The following ABLIM2 variants were observed in gnomAD, a reference collection of about 807,000 sequenced individuals.
ABLIM2 encodes actin-binding LIM protein 2.
ABLIM2 carries 53 observed loss-of-function variants against 97.7 expected under a neutral mutation model. The ratio of observed to expected loss-of-function variants is 0.54; its 90% CI spans 0.44 to 0.68. The LOEUF (loss-of-function observed/expected upper bound fraction) is 0.68, where lower values mean the gene tolerates loss of function less well. ABLIM2 is among the 30% of genes least tolerant of loss of function. The pLI is 0.00. For missense variants in ABLIM2, 835 were observed against 867.2 expected (o/e 0.96, Z 0.47); for synonymous variants, 361 against 345.8 (o/e 1.04, Z -0.49).
At position 8,036,131 on chromosome 4, in the gene ABLIM2, T is replaced by C. The variant is rs1304863919; in HGVS notation, c.1047+18A>G. 5.6e-6 allele frequency: 9 copies of C among 1,612,694 alleles called. No individual in the cohort carries two copies. The East Asian group carries it at 8.9e-5, about 16-fold the overall frequency. ...TTGGGGACACAGGTGTCCAGGGCCA[T>C]GTGGGCAGGGTCCATACCTCGCCGT... is the stretch of plus-strand genomic sequence containing the variant. On this transcript the variant is annotated intron_variant, in intron 10 of 20. Transcript: ENST00000447017.
rs1394969221 is a variant in ABLIM2, at chr4:8,087,700, GCATTAGATGGGAAAGCAGCAGTGGA to G, written c.454+444_454+468del. Reference sequence around the variant, plus strand: ...ACATTAGATGGGAAAGCAGCAGTGGGCATTAGATGGGAAAGCAGCAGTGGACATTAGATGGGAAAGCAGCAGTGGG... The same window carrying G: ...ACATTAGATGGGAAAGCAGCAGTGGGCATTAGATGGGAAAGCAGCAGTGGG... On this transcript the variant is annotated intron_variant, in intron 4 of 20. Coordinates refer to ENST00000447017, the MANE Select transcript of ABLIM2 (RefSeq NM_001130083.2). The surrounding 1 kb of genome is among the most constrained non-coding windows in gnomAD (Gnocchi z 4.6). 3.3e-5 allele frequency among the ~76,000 whole-genome samples: 5 copies of G among 151,782 alleles called. No homozygotes were observed. The highest frequency in any genetic ancestry group is 6.6e-5 in the Admixed American group (1 of 15,238).
chr4:8,070,250 C>A (rs1211519312), intron 6 of ABLIM2, among the ~76,000 whole-genome samples: 1 of 145,776 alleles, frequency 6.9e-6, no homozygotes, highest in Non-Finnish European at 1.5e-5. Context: ...GTCTCTGTGT[C>A]CACGTGTGTT....
Position 8,037,940 on chromosome 4 carries a change from G to A in ABLIM2, c.901-1645C>T, listed in dbSNP as rs138091820. Among the ~76,000 whole-genome samples the A allele has an allele frequency of 2.5e-3, 377 of 152,298 alleles. 2 individuals are homozygous for A. Among genetic ancestry groups the A allele is most frequent in the African/African-American group, 8.2e-3 (339 of 41,562 alleles). On this transcript the variant is annotated intron_variant, in intron 9 of 20. Transcript: ENST00000447017. Reference sequence around the variant, plus strand: ...CTGATTCTGCCCAGCCTTCCTCCGCGGTACCCCACTGTGCACTGTGCACGT... The same window carrying A: ...CTGATTCTGCCCAGCCTTCCTCCGCAGTACCCCACTGTGCACTGTGCACGT...
At position 8,149,269 on chromosome 4, in the gene ABLIM2, G is replaced by A. The variant is rs73077917; in HGVS notation, c.10+9411C>T. ...TGAAATCCAGAGCAGTCTCCCTGTG[G>A]CAAAATCCTTCACATAGTCGCATAT... On this transcript the variant is annotated intron_variant, in intron 1 of 20. Coordinates refer to ENST00000447017, the MANE Select transcript of ABLIM2 (RefSeq NM_001130083.2). This position sits in a 1 kb window ranked among gnomAD's most constrained non-coding sequence, Gnocchi z 6.4. 8.8e-3 allele frequency among the ~76,000 whole-genome samples: 1,342 copies of A among 152,272 alleles called. 21 individuals are homozygous for A. The highest frequency in any genetic ancestry group is 0.03 in the African/African-American group (1,262 of 41,542).
intron 1 of ABLIM2, among the ~76,000 whole-genome samples, chr4:8,144,933 G>T (rs551090402): frequency 6.6e-6 from 1 of 152,362 alleles, no homozygotes; most frequent in African/African-American, 2.4e-5. Flanking sequence ...AACCCGTGGG[G>T]AGACACGCTC....
At chr4:8,050,738 C>T (rs1795464836) in intron 8 of ABLIM2, among the ~76,000 whole-genome samples, 2 of 142,846 alleles carry the variant, frequency 1.4e-5, no homozygotes, top group Admixed American at 7.2e-5. Context: ...GCGCCAGGCC[C>T]TCCGGACAGT....
chr4:8,146,541 A>G (rs1244235073), intron 1 of ABLIM2, among the ~76,000 whole-genome samples: 2 of 152,044 alleles, frequency 1.3e-5, no homozygotes, highest in African/African-American at 2.4e-5. Context: ...ATTTTCATTT[A>G]TTTATATATA....
chr4:8,011,178 A>G (rs1045219571), intron 14 of ABLIM2, among the ~76,000 whole-genome samples: 1 of 152,194 alleles, frequency 6.6e-6, no homozygotes, highest in Non-Finnish European at 1.5e-5. Context: ...TTCCTTGGCC[A>G]TGGAAGATGG....
At chr4:8,065,797 G>T (rs1301150919) in intron 6 of ABLIM2, among the ~76,000 whole-genome samples, 1 of 151,878 alleles carries the variant, frequency 6.6e-6, no homozygotes, top group Non-Finnish European at 1.5e-5. Context: ...GGTGGCGGGT[G>T]CCTGTAATCC....
chr4:8,002,219 C>T lies in ABLIM2; in HGVS notation c.1618+5840G>A, dbSNP rs1757718287. On this transcript the variant is annotated intron_variant, in intron 16 of 20. Coordinates refer to ENST00000447017, the MANE Select transcript of ABLIM2 (RefSeq NM_001130083.2). This position sits in a 1 kb window ranked among gnomAD's most constrained non-coding sequence, Gnocchi z 6.1. ...AGCTCCGTCTGCCCCCTGGCAACCCCCCGGACGTCTCAGGCTCTCCAAGCC... is the reference window on the plus strand; with the variant it reads ...AGCTCCGTCTGCCCCCTGGCAACCCTCCGGACGTCTCAGGCTCTCCAAGCC... Among the ~76,000 whole-genome samples the T allele has an allele frequency of 1.3e-5, 2 of 152,150 alleles. No homozygotes were observed. Among genetic ancestry groups the T allele is most frequent in the Admixed American group, 6.5e-5 (1 of 15,286 alleles).
Position 8,124,165 on chromosome 4 carries a change from C to T in ABLIM2, c.11-17528G>A, listed in dbSNP as rs1846758860. 1.3e-5 allele frequency among the ~76,000 whole-genome samples: 2 copies of T among 152,194 alleles called. No individual in the cohort carries two copies. The highest frequency in any genetic ancestry group is 3.8e-4 in the East Asian group (2 of 5,204). ...CATCTATCTTCTCATAAGGCAGCAC[C>T]TCGATGTGCTTTCAGAAACAATATT... On this transcript the variant is annotated intron_variant, in intron 1 of 20. Coordinates refer to ENST00000447017, the MANE Select transcript of ABLIM2 (RefSeq NM_001130083.2). The surrounding 1 kb of genome is among the most constrained non-coding windows in gnomAD (Gnocchi z 6.1).
rs1035956243 is a variant in ABLIM2 at position 8,155,047 on chromosome 4, C to T, written c.10+3633G>A. 2.2e-4 allele frequency among the ~76,000 whole-genome samples: 34 copies of T among 152,222 alleles called. No individual in the cohort carries two copies. Among genetic ancestry groups the T allele is most frequent in the African/African-American group, 1.9e-4 (8 of 41,456 alleles). ...GAAACCACCCCTGTGATTCAATTAT[C>T]TCCACCTGGCCCTGCCCTTGACACG... On this transcript the variant is annotated intron_variant, in intron 1 of 20. Transcript: ENST00000447017. The surrounding 1 kb of genome is among the most constrained non-coding windows in gnomAD (Gnocchi z 4.2).
chr4:7,980,063 G>T (rs1736757659), intron 20 of ABLIM2, among the ~76,000 whole-genome samples: 2 of 152,186 alleles, frequency 1.3e-5, no homozygotes, highest in African/African-American at 4.8e-5. Context: ...CACACCTGAA[G>T]GAGACATTCA....
rs1334060455 is a variant in ABLIM2 at position 8,046,604 on chromosome 4, C to T, written c.823-1363G>A. On this transcript the variant is annotated intron_variant, in intron 8 of 20. Coordinates refer to ENST00000447017, the MANE Select transcript of ABLIM2 (RefSeq NM_001130083.2). This position sits in a 1 kb window ranked among gnomAD's most constrained non-coding sequence, Gnocchi z 4.4. ...ATTTTCTGAGTAGACCCTTTTCTTGCCACCCCCAACAATTCTGTCCTGCCC... is the reference window on the plus strand; with the variant it reads ...ATTTTCTGAGTAGACCCTTTTCTTGTCACCCCCAACAATTCTGTCCTGCCC... Among the ~76,000 whole-genome samples the T allele has an allele frequency of 5.3e-5, 8 of 152,266 alleles. 1 individual carries two copies. The Middle Eastern group carries it at 0.014, about 259-fold the overall frequency.
intron 1 of ABLIM2, among the ~76,000 whole-genome samples, chr4:8,137,659 C>A (rs1850378962): frequency 6.6e-6 from 1 of 152,236 alleles, no homozygotes. Flanking sequence ...TGGAGTCGCT[C>A]CCTGAGCACA....
chr4:8,088,685 C>T (rs1375527639), intron 3 of ABLIM2, among the ~76,000 whole-genome samples: 2 of 152,240 alleles, frequency 1.3e-5, no homozygotes, highest in African/African-American at 4.8e-5. Context: ...AGGACAGCAG[C>T]TATGTACACT....
intron 1 of ABLIM2, among the ~76,000 whole-genome samples, chr4:8,119,969 G>C (rs1246209798): frequency 6.6e-6 from 1 of 152,152 alleles, no homozygotes; most frequent in African/African-American, 2.4e-5. Context: ...AGCTCCTTCC[G>C]GCATGAAATC....
rs531740364 is a variant in ABLIM2 at position 8,158,026 on chromosome 4, G to T, written c.10+654C>A. Among the ~76,000 whole-genome samples, 4 of 152,376 alleles carry T rather than the reference G, an allele frequency of 2.6e-5. No individual in the cohort carries two copies. The South Asian group carries it at 6.2e-4, about 24-fold the overall frequency. On this transcript the variant is annotated intron_variant, in intron 1 of 20. Transcript: ENST00000447017. ...GCGCGGCTGGGCTCCAGCGCTGTGG[G>T]ATTTTTCCAGCCCCGCACAGAGGCT...
rs1282043525 is a variant in ABLIM2, at chr4:8,003,624, G to C, written c.1618+4435C>G. Among the ~76,000 whole-genome samples the C allele has an allele frequency of 6.8e-6, 1 of 146,530 alleles. No individual in the cohort carries two copies. The highest frequency in any genetic ancestry group is 2.0e-4 in the East Asian group (1 of 4,964). ...TCTGTCGCCCAGGCTGGAGTGCAAT[G>C]GTGCAATCTCGGCTTACTGCAACCT... On this transcript the variant is annotated intron_variant, in intron 16 of 20. Coordinates refer to ENST00000447017, the MANE Select transcript of ABLIM2 (RefSeq NM_001130083.2). This position sits in a 1 kb window ranked among gnomAD's most constrained non-coding sequence, Gnocchi z 4.2.
Sources: allele counts gnomAD v4.1 joint callset (sites outside exome capture counted in the v4.1 genomes callset), GRCh38; gene constraint gnomAD v4.1.1; non-coding constraint Gnocchi (gnomAD v3.1); transcripts MANE v1.5; gene names NCBI Gene and HGNC (gene_info 2026-07-23, HGNC 2026-07-21).